The following GPR107 variants were observed in gnomAD, a reference collection of about 807,000 sequenced individuals.
GPR107 encodes the protein protein GPR107.
Under a neutral mutation model 75.5 loss-of-function variants are expected in GPR107, and 31 were observed. The ratio of observed to expected loss-of-function variants is 0.41; its 90% CI spans 0.31 to 0.55. The LOEUF (loss-of-function observed/expected upper bound fraction) is 0.55, where lower values mean the gene tolerates loss of function less well. Among genes scored for constraint, GPR107 ranks in the 20% least tolerant of loss-of-function variants. GPR107 has a pLI of 0.26. For synonymous variants in GPR107, 267 were observed against 251.3 expected (o/e 1.06, Z -0.59); for missense variants, 572 against 665.7 (o/e 0.86, Z 1.55).
At chr9:130,076,016 G>A (rs901033966) in intron 2 of GPR107, among the ~76,000 whole-genome samples, 2 of 151,630 alleles carry the variant, frequency 1.3e-5, no homozygotes, top group African/African-American at 4.8e-5. Flanking sequence ...TCCTGACCTC[G>A]TGATCCACCC....
chr9:130,121,616 C>T (rs1831548748), intron 14 of GPR107, among the ~76,000 whole-genome samples: 1 of 152,252 alleles, frequency 6.6e-6, no homozygotes, highest in South Asian at 2.1e-4. Flanking sequence ...CTCTGAGCCT[C>T]CGCACCTGCT....
intron 5 of GPR107, among the ~76,000 whole-genome samples, chr9:130,080,651 C>T (rs1830472399): frequency 6.6e-6 from 1 of 151,460 alleles, no homozygotes. Context: ...GCCACCATGC[C>T]CGGCTAATTT....
At chr9:130,125,795 A>G (rs1831662706) in intron 15 of GPR107, among the ~76,000 whole-genome samples, 1 of 152,056 alleles carries the variant, frequency 6.6e-6, no homozygotes, top group African/African-American at 2.4e-5. Flanking sequence ...CATGCCTATA[A>G]TCCCAGCACT....
chr9:130,100,753 AG>A, intron 11 of GPR107, 51 bp downstream of exon 11: 3 of 1,393,628 alleles, frequency 2.2e-6, no homozygotes, highest in South Asian at 1.2e-5. Context: ...ATACAAGACA[AG>A]GGGGGTGGGC....
At chr9:130,091,965 A>T (rs1264064488) in intron 8 of GPR107, among the ~76,000 whole-genome samples, 1 of 151,978 alleles carries the variant, frequency 6.6e-6, no homozygotes, top group Non-Finnish European at 1.5e-5. Context: ...AAGTGCTGGG[A>T]TTACAGGCGT....
At chr9:130,089,863 T>A (rs1297004991) in intron 7 of GPR107, among the ~76,000 whole-genome samples, 2 of 152,210 alleles carry the variant, frequency 1.3e-5, no homozygotes, top group Admixed American at 6.5e-5. Context: ...GTCAGATGTC[T>A]ATTTTTCCCC....
intron 1 of GPR107, among the ~76,000 whole-genome samples, chr9:130,059,109 C>T (rs1260161384): frequency 6.6e-6 from 1 of 152,192 alleles, no homozygotes; most frequent in Admixed American, 6.6e-5. Context: ...TCCAAAGTGG[C>T]TCTACCATTT....
intron 7 of GPR107, among the ~76,000 whole-genome samples, chr9:130,090,618 G>A (rs1463600026): frequency 6.6e-6 from 1 of 152,118 alleles, no homozygotes; most frequent in African/African-American, 2.4e-5. Context: ...GAAAATTGTT[G>A]TAACAAAATA....
chr9:130,135,096 AGGGCGAGT>A lies in GPR107; in HGVS notation c.1638_1645del (p.Glu547ArgfsTer69). 1 of 1,607,568 alleles carries A rather than the reference AGGGCGAGT, an allele frequency of 6.2e-7. No homozygotes were observed. On this transcript the variant is annotated frameshift_variant, in exon 18 of 18. Transcript: ENST00000347136. LOFTEE classifies it high-confidence loss of function. ...GTGACCAACGGCTCCGTGGAGCCCCAGGGCGAGTGGGAAGGCGCCGTGTGACAGAGCCG... is the reference window on the plus strand; with the variant it reads ...GTGACCAACGGCTCCGTGGAGCCCCAGGGAAGGCGCCGTGTGACAGAGCCG...
At chr9:130,122,027 A>G (rs1481390282) in intron 14 of GPR107, among the ~76,000 whole-genome samples, 1 of 151,940 alleles carries the variant, frequency 6.6e-6, no homozygotes, top group Non-Finnish European at 1.5e-5. Context: ...AGTAGCTGGG[A>G]CTACAGGCAT....
chr9:130,065,624 C>T (rs777059190), intron 1 of GPR107, among the ~76,000 whole-genome samples: 5 of 148,836 alleles, frequency 3.4e-5, no homozygotes, highest in East Asian at 2.0e-4. Flanking sequence ...AAAATTAGCC[C>T]GGCGTGGTGG....
intron 14 of GPR107, among the ~76,000 whole-genome samples, chr9:130,120,381 C>T (rs953036079): frequency 8.5e-5 from 13 of 152,188 alleles, no homozygotes; most frequent in Non-Finnish European, 1.9e-4. Context: ...AGGTGCCAGG[C>T]AGAGTGCCTT....
intron 1 of GPR107, among the ~76,000 whole-genome samples, chr9:130,071,301 A>G (rs141986383): frequency 2.0e-5 from 3 of 151,390 alleles, no homozygotes; most frequent in East Asian, 3.9e-4. Flanking sequence ...TGTTGGGATT[A>G]TAGGCGAGAG....
chr9:130,063,625 A>C (rs1829985800), intron 1 of GPR107, among the ~76,000 whole-genome samples: 1 of 151,980 alleles, frequency 6.6e-6, no homozygotes, highest in Non-Finnish European at 1.5e-5. Flanking sequence ...GTTTGGTGGC[A>C]TGTATGCCAG....
At chr9:130,085,881 G>A (rs1384205834) in intron 6 of GPR107, among the ~76,000 whole-genome samples, 1 of 151,004 alleles carries the variant, frequency 6.6e-6, no homozygotes, top group Non-Finnish European at 1.5e-5. Flanking sequence ...CTCCGGAGTA[G>A]CTGGGATTAT....
At chr9:130,071,361 A>G (rs539942909) in intron 1 of GPR107, among the ~76,000 whole-genome samples, 3 of 151,982 alleles carry the variant, frequency 2.0e-5, no homozygotes, top group East Asian at 3.9e-4. Flanking sequence ...ATGTTACTGA[A>G]TATAGCTTTT....
At chr9:130,128,998 G>A (rs530703157) in intron 17 of GPR107, 24 of 425,554 alleles carry the variant, frequency 5.6e-5, no homozygotes, top group African/African-American at 3.5e-4. Context: ...GTTCCACTAA[G>A]CATCATTGGA....
chr9:130,138,500 C>T lies in GPR107; in HGVS notation c.*3379C>T, dbSNP rs1259298806. 1 of 145,714 alleles carries T rather than the reference C, an allele frequency of 6.9e-6. No individual in the cohort carries two copies. Among genetic ancestry groups the T allele is most frequent in the East Asian group, 2.1e-4 (1 of 4,746 alleles). 9.0% of individuals were successfully genotyped at this position (145,714 alleles called of 1,614,324 possible). On this transcript the variant is annotated 3_prime_UTR_variant, in exon 18 of 18. Coordinates refer to ENST00000347136, the MANE Select transcript of GPR107 (RefSeq NM_020960.5). ...CTCGCCCTTACCCCTCCCCCTTCCC[C>T]TTCCGCTCCTCCTCCCTCCTCCACC...
chr9:130,100,522 C>A (rs2132608535), intron 10 of GPR107, 107 bp from the exon 11 acceptor site: 1 of 855,374 alleles, frequency 1.2e-6, no homozygotes, highest in Non-Finnish European at 2.0e-6. Context: ...GCAGCGTCAC[C>A]AAATGACAAT....
Sources: gnomAD v4.1 joint callset for allele counts (sites outside exome capture counted in the v4.1 genomes callset) on GRCh38, gnomAD v4.1.1 for gene constraint, MANE v1.5 for transcripts, NCBI Gene and HGNC (gene_info 2026-07-23, HGNC 2026-07-21) for gene names.